The following GRIK3 variants were observed in gnomAD, a reference collection of about 807,000 sequenced individuals.
The protein encoded by GRIK3 is glutamate receptor ionotropic, kainate 3.
GRIK3 carries 29 observed loss-of-function variants against 102.5 expected under a neutral mutation model. The observed-to-expected ratio is 0.28, with a 90% CI of 0.21 to 0.39. The LOEUF (loss-of-function observed/expected upper bound fraction) is 0.39, where lower values mean the gene tolerates loss of function less well. Ranked by LOEUF, GRIK3 falls within the 10% of genes least tolerant of loss-of-function variation. The probability of loss-of-function intolerance (pLI) is 1.00; values close to 1 mark genes in which losing one functional copy is unlikely to be tolerated. For synonymous variants in GRIK3, 511 were observed against 504.9 expected (o/e 1.01, Z -0.16); for missense variants, 908 against 1,252.4 (o/e 0.73, Z 4.15).
At chr1:36,958,071 G>T (rs1641944967) in intron 1 of GRIK3, among the ~76,000 whole-genome samples, 1 of 134,132 alleles carries the variant, frequency 7.5e-6, no homozygotes, top group Non-Finnish European at 1.6e-5. Flanking sequence ...GTGAGCCTGT[G>T]TGCTCTTTGA....
rs1642605711 is a variant in GRIK3 at position 37,012,381 on chromosome 1, C to T, written c.115+21613G>A. Among the ~76,000 whole-genome samples the T allele has an allele frequency of 4.6e-5, 7 of 152,280 alleles. No homozygotes were observed. In the South Asian group the frequency reaches 1.2e-3, roughly 27 times the overall value. ...AGTCTCTGTGGCTTTATCTTCATGA[C>T]ACCAAAACATTTGGCTGAAGAGGAA... On this transcript the variant is annotated intron_variant, in intron 1 of 15. Transcript: ENST00000373091.
intron 4 of GRIK3, among the ~76,000 whole-genome samples, chr1:36,870,119 G>C (rs1157159032): frequency 6.6e-6 from 1 of 152,222 alleles, no homozygotes; most frequent in Admixed American, 6.5e-5. Flanking sequence ...CTCCCGGCCT[G>C]CCACACTTAG....
At chr1:36,842,254 C>G (rs959967786) in intron 9 of GRIK3, among the ~76,000 whole-genome samples, 4 of 152,164 alleles carry the variant, frequency 2.6e-5, no homozygotes, top group African/African-American at 9.7e-5. Context: ...CCCATGGTCT[C>G]TTTGCTGCAC....
At chr1:36,964,063 T>C (rs1420194284) in intron 1 of GRIK3, among the ~76,000 whole-genome samples, 1 of 152,164 alleles carries the variant, frequency 6.6e-6, no homozygotes. Context: ...CATGGACAAA[T>C]GCATGCAGAG....
At chr1:37,021,071 T>TCC (rs560883850) in intron 1 of GRIK3, among the ~76,000 whole-genome samples, 208 of 151,806 alleles carry the variant, frequency 1.4e-3, no homozygotes, top group African/African-American at 4.8e-3. Context: ...AGACTGCAAA[T>TCC]GTAAAACTTC....
chr1:37,013,811 T>C (rs940932497), intron 1 of GRIK3, among the ~76,000 whole-genome samples: 2 of 152,182 alleles, frequency 1.3e-5, no homozygotes, highest in African/African-American at 4.8e-5. Context: ...GTCTACAGTG[T>C]GAGGCTGGCC....
intron 1 of GRIK3, among the ~76,000 whole-genome samples, chr1:37,012,249 A>T (rs1227570888): frequency 1.3e-5 from 2 of 152,252 alleles, no homozygotes; most frequent in Non-Finnish European, 2.9e-5. Context: ...TTTTGTAAAA[A>T]ATAACCATGT....
chr1:36,859,911 T>G lies in GRIK3; in HGVS notation c.893A>C (p.Lys298Thr). The change falls in exon 6 of 16, where the codon AAG (lysine) becomes ACG (threonine). Residue 298 changes from lysine (K) to threonine (T), a missense_variant. Around this residue, in one of 3 missense-constraint regions of GRIK3, gnomAD observed 585 missense variants for 824.9 expected, o/e 0.71. Coordinates refer to ENST00000373091, the MANE Select transcript of GRIK3 (RefSeq NM_000831.4). ...TGCCTGCAGCCGCTCCATGGACCAC[T>G]TCTCCACAATGGCCGAGACGTGTGG... ...DNPHVSAIVEKWSMERLQAAP... is the reference protein window; with the variant it reads ...DNPHVSAIVETWSMERLQAAP... 6.2e-7 allele frequency: 1 copy of G among 1,613,960 alleles called. No homozygotes were observed. Among genetic ancestry groups the G allele is most frequent in the Non-Finnish European group, 8.5e-7 (1 of 1,179,834 alleles).
chr1:37,028,117 G>C (rs996502579), intron 1 of GRIK3, among the ~76,000 whole-genome samples: 6 of 152,206 alleles, frequency 3.9e-5, no homozygotes, highest in Non-Finnish European at 5.9e-5. Context: ...AGGAAAACGG[G>C]AAGTGAGGGA....
At position 36,877,057 on chromosome 1, in the gene GRIK3, T is replaced by C. The variant is rs547874471; in HGVS notation, c.550+3577A>G. On this transcript the variant is annotated intron_variant, in intron 3 of 15. Transcript: ENST00000373091. ...GTACCTGCCCAGTGATCACAGGTAA[T>C]TCCAGGCCATCAGAGCTGAGAATGA... Among the ~76,000 whole-genome samples the C allele has an allele frequency of 5.3e-5, 8 of 152,320 alleles. No individual in the cohort carries two copies. In the East Asian group the frequency reaches 1.5e-3, roughly 29 times the overall value.
At chr1:37,002,946 C>T (rs1022274526) in intron 1 of GRIK3, among the ~76,000 whole-genome samples, 4 of 151,544 alleles carry the variant, frequency 2.6e-5, no homozygotes, top group African/African-American at 9.7e-5. Context: ...GCCAATGTTG[C>T]ATTTCTTACA....
At chr1:36,930,463 A>C (rs1037683303) in intron 1 of GRIK3, among the ~76,000 whole-genome samples, 2 of 152,236 alleles carry the variant, frequency 1.3e-5, no homozygotes, top group African/African-American at 4.8e-5. Flanking sequence ...CACCCAGCCC[A>C]AACTCTAATT....
chr1:36,956,719 G>A (rs1056636306), intron 1 of GRIK3, among the ~76,000 whole-genome samples: 2 of 152,242 alleles, frequency 1.3e-5, no homozygotes, highest in African/African-American at 4.8e-5. Flanking sequence ...ATGAGACAAA[G>A]GCAGTGGGGA....
At chr1:36,891,130 G>C in intron 1 of GRIK3, 34 bp from the exon 2 acceptor site, 21 of 1,545,756 alleles carry the variant, frequency 1.4e-5, no homozygotes, top group Non-Finnish European at 1.9e-5. Context: ...GTGTGGTTGG[G>C]AGGAGGGATG....
Position 36,981,987 on chromosome 1 carries a change from G to A in GRIK3, c.115+52007C>T, listed in dbSNP as rs1034109685. Among the ~76,000 whole-genome samples the A allele has an allele frequency of 6.6e-5, 10 of 152,182 alleles. No homozygotes were observed. In the East Asian group the frequency reaches 1.9e-3, roughly 29 times the overall value. The stretch of plus-strand genomic sequence containing the variant: ...GCTAATAAGCAAACGGGGAGCGGGA[G>A]TGTGGAGGAGGTGCTGCAGGTGGAA... On this transcript the variant is annotated intron_variant, in intron 1 of 15. Transcript: ENST00000373091.
intron 13 of GRIK3, among the ~76,000 whole-genome samples, chr1:36,807,469 A>G (rs576194862): frequency 6.6e-6 from 1 of 152,142 alleles, no homozygotes; most frequent in South Asian, 2.1e-4. Context: ...TGTGATGTCA[A>G]CCTGCCTGAC....
At chr1:36,963,540 A>G (rs1642038997) in intron 1 of GRIK3, among the ~76,000 whole-genome samples, 2 of 152,176 alleles carry the variant, frequency 1.3e-5, no homozygotes. Flanking sequence ...GCCGCATGCC[A>G]TTACTCGCTC....
intron 1 of GRIK3, among the ~76,000 whole-genome samples, chr1:37,022,124 A>G (rs1409800562): frequency 1.3e-5 from 2 of 152,216 alleles, no homozygotes; most frequent in African/African-American, 4.8e-5. Context: ...CTCCAGGTTA[A>G]CTGTCAACAC....
intron 9 of GRIK3, among the ~76,000 whole-genome samples, chr1:36,846,056 G>A (rs1373074175): frequency 2.0e-5 from 3 of 152,248 alleles, no homozygotes; most frequent in South Asian, 2.1e-4. Context: ...GCAGCCAAAC[G>A]AGTCTTGAAC....
Sources: gnomAD v4.1 joint callset for allele counts (sites outside exome capture counted in the v4.1 genomes callset) on GRCh38, gnomAD v4.1.1 for gene constraint, gnomAD v4.1.1 regional missense constraint, MANE v1.5 for transcripts, NCBI Gene and HGNC (gene_info 2026-07-23, HGNC 2026-07-21) for gene names.